The following ETNPPL variants were observed in gnomAD, a reference collection of about 807,000 sequenced individuals.
The protein encoded by ETNPPL is ethanolamine-phosphate phospho-lyase.
In ETNPPL, 30 loss-of-function variants were observed where a neutral mutation model predicts 55.5. The observed-to-expected ratio is 0.54, with a 90% CI of 0.40 to 0.73. The LOEUF is 0.73. Among genes scored for constraint, ETNPPL ranks in the 30% least tolerant of loss-of-function variants. The pLI is 0.00. For missense variants in ETNPPL, 528 were observed against 607.9 expected (o/e 0.87, Z 1.38); for synonymous variants, 202 against 207.2 (o/e 0.98, Z 0.21).
At chr4:108,749,601 A>G in intron 7 of ETNPPL, 138 bp from the exon 8 acceptor site, 1 of 621,696 alleles carries the variant, frequency 1.6e-6, no homozygotes, top group Non-Finnish European at 2.8e-6. Flanking sequence ...ACATTTCAGT[A>G]CTCTAAACCC....
Position 108,752,962 on chromosome 4 carries a change from T to C in ETNPPL, c.551A>G (p.Asp184Gly). 6.2e-6 allele frequency: 10 copies of C among 1,612,828 alleles called. No homozygotes were observed. The highest frequency in any genetic ancestry group is 8.5e-6 in the Non-Finnish European group (10 of 1,179,284). The stretch of plus-strand genomic sequence containing the variant: ...TTCATCTGCATAAGCACTGGCTGAG[T>C]CTGCATGGTCTTCTCTATATTTTCC... ...YRGKYREDHADSASAYADEVK... is the reference protein window; with the variant it reads ...YRGKYREDHAGSASAYADEVK... The change falls in exon 6 of 13, where the codon GAC becomes GGC. Residue 184 changes from aspartate to glycine, a missense_variant. By Grantham distance (94) the Asp-to-Gly change is moderately conservative (BLOSUM62 -1). Transcript: ENST00000296486.
intron 9 of ETNPPL, 148 bp downstream of exon 9, chr4:108,747,857 T>C (rs1728682301): frequency 3.4e-6 from 2 of 592,644 alleles, no homozygotes; most frequent in Non-Finnish European, 5.7e-6. Context: ...GCCTCCCGAG[T>C]AGCTGGGACT....
chr4:108,758,854 C>G (rs368113103), intron 3 of ETNPPL, among the ~76,000 whole-genome samples: 2 of 152,130 alleles, frequency 1.3e-5, no homozygotes, highest in Admixed American at 1.3e-4. Context: ...AGTTTGAGAC[C>G]ATCCTGACCA....
chr4:108,743,697 C>A, intron 12 of ETNPPL, 92 bp downstream of exon 12: 2 of 882,640 alleles, frequency 2.3e-6, no homozygotes, highest in South Asian at 2.8e-5. Flanking sequence ...TTCTAATGGT[C>A]ACTGCACAAT....
chr4:108,760,072 C>A, intron 2 of ETNPPL, 116 bp downstream of exon 2: 1 of 1,035,088 alleles, frequency 9.7e-7, no homozygotes, highest in Non-Finnish European at 1.5e-6. Flanking sequence ...GGACTACTGG[C>A]CCACTCAGCA....
At chr4:108,743,980 G>T (rs898297449) in intron 11 of ETNPPL, 124 bp from the exon 12 acceptor site, 3 of 672,540 alleles carry the variant, frequency 4.5e-6, no homozygotes, top group African/African-American at 3.6e-5. Context: ...TTAAAAGAAT[G>T]GGCTGGGCGC....
intron 3 of ETNPPL, among the ~76,000 whole-genome samples, chr4:108,757,938 A>G (rs1193369819): frequency 6.6e-6 from 1 of 152,006 alleles, no homozygotes; most frequent in African/African-American, 2.4e-5. Flanking sequence ...TGGAAAGTGA[A>G]TCACAGAGAG....
chr4:108,751,299 A>T (rs1728902298), intron 6 of ETNPPL, among the ~76,000 whole-genome samples: 1 of 152,244 alleles, frequency 6.6e-6, no homozygotes, highest in Non-Finnish European at 1.5e-5. Context: ...TACATGCAGC[A>T]GTTTCATTAG....
At chr4:108,743,721 G>A (rs768931178) in intron 12 of ETNPPL, 68 bp downstream of exon 12, 47 of 1,180,826 alleles carry the variant, frequency 4.0e-5, no homozygotes, top group Admixed American at 8.9e-5. Context: ...TTGAAAATTT[G>A]TATTCCTTTT....
chr4:108,747,254 T>A (rs555945377), intron 9 of ETNPPL, among the ~76,000 whole-genome samples: 4 of 56,968 alleles, frequency 7.0e-5, no homozygotes, highest in African/African-American at 1.2e-4. Context: ...TATATATATA[T>A]TATATATATA....
Position 108,744,459 on chromosome 4 carries a change from G to C in ETNPPL, c.1304-603C>G, listed in dbSNP as rs145596515. Among the ~76,000 whole-genome samples, 30 of 152,008 alleles carry C rather than the reference G, an allele frequency of 2.0e-4. No homozygotes were observed. The East Asian group carries it at 5.8e-3, about 30-fold the overall frequency. ...GACATAGAGTGACAGATTGCCCCAA[G>C]CCACAAGCCACACTCTCTCCTCTAC... On this transcript the variant is annotated intron_variant, in intron 11 of 12. Transcript: ENST00000296486.
chr4:108,756,825 C>G (rs972771818), intron 3 of ETNPPL, among the ~76,000 whole-genome samples: 3 of 151,998 alleles, frequency 2.0e-5, no homozygotes, highest in Non-Finnish European at 4.4e-5. Flanking sequence ...GACTCCATCT[C>G]CAGAACAACA....
intron 9 of ETNPPL, among the ~76,000 whole-genome samples, chr4:108,747,208 A>ATGTCAGT (rs1482782580): frequency 2.6e-4 from 1 of 3,778 alleles, no homozygotes; most frequent in Non-Finnish European, 4.1e-4. Flanking sequence ...ATATATATAT[A>ATGTCAGT]ATATATATAT....
At chr4:108,744,727 T>C (rs1728385402) in intron 11 of ETNPPL, among the ~76,000 whole-genome samples, 1 of 150,520 alleles carries the variant, frequency 6.6e-6, no homozygotes, top group Non-Finnish European at 1.5e-5. Flanking sequence ...TTTTTTTTTT[T>C]TTTTTTTTTT....
chr4:108,759,966 TA>T, intron 2 of ETNPPL, 58 bp from the exon 3 acceptor site: 1 of 1,508,896 alleles, frequency 6.6e-7, no homozygotes, highest in Non-Finnish European at 9.1e-7. Context: ...TGCCTGGGAA[TA>T]AGAGGAATTA....
Position 108,753,973 on chromosome 4 carries a change from CTT to C in ETNPPL, c.501+645_501+646del, listed in dbSNP as rs1213568977. Reference sequence around the variant, plus strand: ...TACAGAGCAATTTACTTTTTCTTTTCTTTTTTTTTTTTTTTTTTGAGATGGAG... The same window carrying C: ...TACAGAGCAATTTACTTTTTCTTTTCTTTTTTTTTTTTTTTTGAGATGGAG... On this transcript the variant is annotated intron_variant, in intron 5 of 12. Transcript: ENST00000296486. Among the ~76,000 whole-genome samples the C allele has an allele frequency of 2.0e-3, 242 of 122,732 alleles. 1 individual carries two copies. Among genetic ancestry groups the C allele is most frequent in the Middle Eastern group, 0.015 (3 of 196 alleles). 80.5% of individuals were successfully genotyped at this position (122,732 alleles called of 152,430 possible). A position where few individuals can be genotyped will look rare whatever the true frequency, so the allele number is the denominator to read the frequency against.
At chr4:108,757,642 T>C (rs757442950) in intron 3 of ETNPPL, among the ~76,000 whole-genome samples, 4 of 152,110 alleles carry the variant, frequency 2.6e-5, no homozygotes, top group Non-Finnish European at 5.9e-5. Flanking sequence ...ATTAAAAAAA[T>C]AGAATATTAG....
At position 108,760,198 on chromosome 4, in the gene ETNPPL, A is replaced by G. The variant is rs1388280071; in HGVS notation, c.165T>C (p.Asn55=). ...GGACAGGACATTTACCATGGGCAAC[A>G]TTGTTGATGCAGTCCAAGTACTGTT... ...NGEQYLDCIN[N]VAHVGHCHPG... is the part of the protein sequence containing the mutation. Residue 55 remains asparagine, a synonymous_variant, in exon 2 of 13, where the codon AAT becomes AAC. Coordinates refer to ENST00000296486, the MANE Select transcript of ETNPPL (RefSeq NM_031279.4). 2 of 1,594,484 alleles carry G rather than the reference A, an allele frequency of 1.3e-6. No individual in the cohort carries two copies. Among genetic ancestry groups the G allele is most frequent in the South Asian group, 2.2e-5 (2 of 90,388 alleles).
At chr4:108,745,392 C>T (rs1404877492) in intron 11 of ETNPPL, among the ~76,000 whole-genome samples, 6 of 152,020 alleles carry the variant, frequency 3.9e-5, no homozygotes, top group African/African-American at 9.6e-5. Context: ...GTCGGGAGTT[C>T]GAGACCAGCC....
Sources: gnomAD v4.1 joint callset for allele counts (sites outside exome capture counted in the v4.1 genomes callset) on GRCh38, gnomAD v4.1.1 for gene constraint, MANE v1.5 for transcripts, NCBI Gene and HGNC (gene_info 2026-07-23, HGNC 2026-07-21) for gene names.